Variants in ITGB6 observed in about 807,000 individuals in gnomAD.
The protein encoded by ITGB6 is integrin beta-6.
ITGB6 carries 80 observed loss-of-function variants against 84.5 expected under a neutral mutation model. The ratio of observed to expected loss-of-function variants is 0.95; its 90% CI spans 0.79 to 1.14. The LOEUF (loss-of-function observed/expected upper bound fraction) is 1.14. ITGB6 is among the 50% of genes most tolerant of loss of function. The pLI is 0.00. For synonymous variants in ITGB6, 383 were observed against 354.9 expected (o/e 1.08, Z -0.89); for missense variants, 1,006 against 968.0 (o/e 1.04, Z -0.52).
chr2:160,166,077 A>G (rs62175391), intron 7 of ITGB6, among the ~76,000 whole-genome samples: 23,515 of 152,228 alleles, frequency 0.15, 2,438 homozygotes, highest in Non-Finnish European at 0.24. Flanking sequence ...AAGACCTGTT[A>G]TTCTCCTCAA....
chr2:160,136,831 C>G (rs1211603401), intron 10 of ITGB6, among the ~76,000 whole-genome samples: 1 of 148,968 alleles, frequency 6.7e-6, no homozygotes, highest in Non-Finnish European at 1.5e-5. Context: ...TGTTCTCACT[C>G]ATAGGTTGGA....
At position 160,200,216 on chromosome 2, in the gene ITGB6, T is replaced by C; in HGVS notation, c.-153A>G. 1 of 600,226 alleles carries C rather than the reference T, an allele frequency of 1.7e-6. No homozygotes were observed. Among genetic ancestry groups the C allele is most frequent in the South Asian group, 2.3e-5 (1 of 44,132 alleles). The allele number at this position is 600,226 out of a possible 1,614,324, so 37.2% of individuals were successfully genotyped here. A position where few individuals can be genotyped will look rare whatever the true frequency, so the allele number is the denominator to read the frequency against. On this transcript the variant is annotated 5_prime_UTR_variant, in exon 1 of 15. An upstream open reading frame in the 5' UTR loses its in-frame stop. Coordinates refer to ENST00000283249, the MANE Select transcript of ITGB6 (RefSeq NM_000888.5). ...TTTGAAAAGAAACTTGAGATATAAG[T>C]TAGAAAGTTTTCATTAAGACTGAAA...
intron 4 of ITGB6, among the ~76,000 whole-genome samples, chr2:160,186,022 A>T (rs1685882576): frequency 6.6e-6 from 1 of 152,202 alleles, no homozygotes; most frequent in African/African-American, 2.4e-5. Flanking sequence ...AAAACCCTAG[A>T]AGAAAATCTA....
chr2:160,126,744 G>A lies in ITGB6; in HGVS notation c.1661-143C>T. On this transcript the variant is annotated intron_variant, in intron 10 of 14. Transcript: ENST00000283249. ...TGAGAAAAAAAGTATGTGTGTGAGGGGTGCAGTATGAGTGTAGATATATTG... is the reference window on the plus strand; with the variant it reads ...TGAGAAAAAAAGTATGTGTGTGAGGAGTGCAGTATGAGTGTAGATATATTG... 4.4e-6 allele frequency: 3 copies of A among 688,042 alleles called. 1 individual carries two copies. In the South Asian group the frequency reaches 5.6e-5, roughly 13 times the overall value. The allele number at this position is 688,042 out of a possible 1,614,324, so 42.6% of individuals were successfully genotyped here.
intron 6 of ITGB6, among the ~76,000 whole-genome samples, chr2:160,171,764 A>G (rs1173488856): frequency 6.6e-6 from 1 of 152,240 alleles, no homozygotes; most frequent in Non-Finnish European, 1.5e-5. Flanking sequence ...ACATATTTCT[A>G]CATAGAGATG....
intron 14 of ITGB6, among the ~76,000 whole-genome samples, chr2:160,105,616 C>T (rs1696877950): frequency 6.6e-6 from 1 of 152,158 alleles, no homozygotes; most frequent in South Asian, 2.1e-4. Context: ...CTTCTCTGAG[C>T]CTTAGTTTAG....
In ITGB6 at chr2:160,195,482, G is replaced by A. The variant is rs1686296472; in HGVS notation, c.480C>T (p.Ser160=). The A allele has an allele frequency of 6.2e-7, 1 of 1,614,068 alleles. No individual in the cohort carries two copies. The highest frequency in any genetic ancestry group is 1.7e-5 in the Admixed American group (1 of 60,000). Reference sequence around the variant, plus strand: ...TGCTGGTTAATTTAGACATCTCTTTGGAAAGCCGGGAGCCCAGCTCCTTTA... The same window carrying A: ...TGCTGGTTAATTTAGACATCTCTTTAGAAAGCCGGGAGCCCAGCTCCTTTA... ...NTIKELGSRL[S]KEMSKLTSNF... is the part of the protein sequence containing the mutation. The change falls in exon 4 of 15, where the codon TCC becomes TCT. Residue 160 remains serine (S), a synonymous_variant. Transcript: ENST00000283249.
chr2:160,154,175 A>G (rs1684535986), intron 7 of ITGB6, among the ~76,000 whole-genome samples: 1 of 152,228 alleles, frequency 6.6e-6, no homozygotes, highest in Non-Finnish European at 1.5e-5. Flanking sequence ...AAAGACTTGG[A>G]CCCAAGCCAA....
At chr2:160,156,305 A>G (rs1347218231) in intron 7 of ITGB6, among the ~76,000 whole-genome samples, 3 of 152,098 alleles carry the variant, frequency 2.0e-5, no homozygotes, top group African/African-American at 4.8e-5. Context: ...TCTCACAGGA[A>G]TCTCATCTGC....
intron 4 of ITGB6, among the ~76,000 whole-genome samples, chr2:160,192,519 T>C (rs1300139325): frequency 6.6e-6 from 1 of 152,114 alleles, no homozygotes; most frequent in African/African-American, 2.4e-5. Flanking sequence ...ATAAAGCTTC[T>C]AGAAGAAAAT....
chr2:160,131,897 A>T (rs1683483684), intron 10 of ITGB6, among the ~76,000 whole-genome samples: 1 of 152,292 alleles, frequency 6.6e-6, no homozygotes, highest in Admixed American at 6.5e-5. Context: ...CATGGTAAAA[A>T]ATAAAGCGAA....
At chr2:160,185,747 C>G (rs1685867427) in intron 4 of ITGB6, among the ~76,000 whole-genome samples, 1 of 152,182 alleles carries the variant, frequency 6.6e-6, no homozygotes, top group Admixed American at 6.5e-5. Flanking sequence ...GTAACCAAAA[C>G]AGCATGGTAC....
At chr2:160,199,472 G>A (rs1686471455) in intron 1 of ITGB6, among the ~76,000 whole-genome samples, 2 of 152,128 alleles carry the variant, frequency 1.3e-5, no homozygotes, top group South Asian at 4.1e-4. Context: ...AATTATGTAT[G>A]TCTTATAAGC....
At chr2:160,194,047 C>T (rs1418621449) in intron 4 of ITGB6, among the ~76,000 whole-genome samples, 1 of 152,128 alleles carries the variant, frequency 6.6e-6, no homozygotes, top group Non-Finnish European at 1.5e-5. Flanking sequence ...ATCTCAGCTA[C>T]TCGGGAGGCT....
intron 4 of ITGB6, among the ~76,000 whole-genome samples, chr2:160,175,208 G>A (rs879780846): frequency 2.6e-5 from 4 of 152,098 alleles, no homozygotes; most frequent in Non-Finnish European, 4.4e-5. Context: ...ACGAGAAGGT[G>A]CATTTTTCAA....
At chr2:160,119,223 A>C (rs908891200) in intron 12 of ITGB6, among the ~76,000 whole-genome samples, 4 of 152,252 alleles carry the variant, frequency 2.6e-5, no homozygotes, top group African/African-American at 9.6e-5. Context: ...TCCTAAGCCA[A>C]AAGAACAAAG....
chr2:160,106,445 G>A (rs1696909589), intron 14 of ITGB6, among the ~76,000 whole-genome samples: 1 of 152,012 alleles, frequency 6.6e-6, no homozygotes, highest in South Asian at 2.1e-4. Context: ...TTGCCATGTT[G>A]CCCAACTCGA....
chr2:160,150,554 G>A (rs564324014), intron 7 of ITGB6, among the ~76,000 whole-genome samples: 9 of 152,150 alleles, frequency 5.9e-5, no homozygotes, highest in South Asian at 2.1e-4. Context: ...ATCAATTAAC[G>A]GACAAAATAA....
chr2:160,137,942 T>C (rs1574075199), intron 9 of ITGB6, 91 bp from the exon 10 acceptor site: 1 of 1,531,234 alleles, frequency 6.5e-7, no homozygotes, highest in Non-Finnish European at 8.8e-7. Context: ...GCCAAAAGCA[T>C]TTACTAGAAA....
Sources: gnomAD v4.1 joint callset for allele counts (sites outside exome capture counted in the v4.1 genomes callset) on GRCh38, gnomAD v4.1.1 for gene constraint, MANE v1.5 for transcripts, NCBI Gene and HGNC (gene_info 2026-07-23, HGNC 2026-07-21) for gene names.